TNPO3: variants seen among roughly 807,000 people sequenced by gnomAD.
TNPO3 encodes transportin-3.
Under a neutral mutation model 122.8 loss-of-function variants are expected in TNPO3, and 65 were observed. The observed-to-expected ratio is 0.53, with a 90% CI of 0.43 to 0.65. The LOEUF (loss-of-function observed/expected upper bound fraction) is 0.65, where lower values mean the gene tolerates loss of function less well. TNPO3 is among the 30% of genes least tolerant of loss of function. TNPO3 has a pLI of 0.00. For missense variants in TNPO3, 850 were observed against 1,136.7 expected, an observed-to-expected ratio of 0.75 and a Z score of 3.63; for synonymous variants, 372 against 411.2, an observed-to-expected ratio of 0.90 and a Z score of 1.15.
intron 13 of TNPO3, 81 bp downstream of exon 13, chr7:128,984,087 T>C: frequency 1.2e-6 from 1 of 829,998 alleles, no homozygotes; most frequent in South Asian, 2.7e-5. Context: ...ACAAAAGATC[T>C]GTAAATAAGT....
chr7:128,974,822 G>T, intron 18 of TNPO3, 46 bp downstream of exon 18: 1 of 1,468,672 alleles, frequency 6.8e-7, no homozygotes, highest in Non-Finnish European at 9.5e-7. Context: ...AGACTAAGCA[G>T]TGATAGGATG....
Position 129,000,316 on chromosome 7 carries a change from A to C in TNPO3, c.1011+113T>G. The stretch of plus-strand genomic sequence containing the variant: ...AAACAGATGAAATCACATTAATTAA[A>C]AACAAGACTGTAATTTCTCAACAAT... On this transcript the variant is annotated intron_variant, in intron 7 of 22. Transcript: ENST00000265388. 3.3e-6 allele frequency: 4 copies of C among 1,206,422 alleles called. No homozygotes were observed. The South Asian group carries it at 6.3e-5, about 19-fold the overall frequency. The allele number at this position is 1,206,422 out of a possible 1,614,324, so 74.7% of individuals were successfully genotyped here. A position where few individuals can be genotyped will look rare whatever the true frequency, so the allele number is the denominator to read the frequency against.
At chr7:129,027,577 A>AC (rs1805366441) in intron 1 of TNPO3, among the ~76,000 whole-genome samples, 1 of 138,618 alleles carries the variant, frequency 7.2e-6, no homozygotes, top group Non-Finnish European at 1.6e-5. Flanking sequence ...AAAAAAAAAA[A>AC]AAAAAAAAAA....
intron 1 of TNPO3, among the ~76,000 whole-genome samples, chr7:129,048,148 G>C (rs1808273870): frequency 6.6e-6 from 1 of 152,114 alleles, no homozygotes; most frequent in African/African-American, 2.4e-5. Context: ...CCTGAACCCA[G>C]GCTCAGGTGA....
At chr7:129,008,297 G>A (rs1013264090) in intron 4 of TNPO3, among the ~76,000 whole-genome samples, 2 of 151,926 alleles carry the variant, frequency 1.3e-5, no homozygotes, top group South Asian at 4.1e-4. Context: ...TGGGAGGATC[G>A]CTTGAGCCCA....
At position 129,055,069 on chromosome 7, in the gene TNPO3, C is replaced by G. The variant is rs1047961273; in HGVS notation, c.-299G>C. On this transcript the variant is annotated 5_prime_UTR_variant, in exon 1 of 23. Coordinates refer to ENST00000265388, the MANE Select transcript of TNPO3 (RefSeq NM_012470.4). ...TCAGTCGCTGACTTGCCCTCAGAAG[C>G]CTATCTTGGGAGGCCACACACCAGT... 5.2e-6 allele frequency: 2 copies of G among 385,568 alleles called. No individual in the cohort carries two copies. Among genetic ancestry groups the G allele is most frequent in the African/African-American group, 4.1e-5 (2 of 48,728 alleles). 23.9% of individuals were successfully genotyped at this position (385,568 alleles called of 1,614,324 possible). A position where few individuals can be genotyped will look rare whatever the true frequency, so the allele number is the denominator to read the frequency against.
At chr7:129,049,349 CTAGA>C (rs1238069522) in intron 1 of TNPO3, among the ~76,000 whole-genome samples, 2 of 152,126 alleles carry the variant, frequency 1.3e-5, no homozygotes, top group Non-Finnish European at 2.9e-5. Flanking sequence ...TGCAAAGCAC[CTAGA>C]TCTGACAAGA....
Position 129,054,731 on chromosome 7 carries a change from C to G in TNPO3, c.40G>C (p.Ala14Pro). 1 of 1,614,206 alleles carries G rather than the reference C, an allele frequency of 6.2e-7. No individual in the cohort carries two copies. Among genetic ancestry groups the G allele is most frequent in the Non-Finnish European group, 8.5e-7 (1 of 1,180,036 alleles). Residue 14 changes from alanine (A) to proline (P), a missense_variant, in exon 1 of 23, where the codon GCA (alanine) becomes CCA (proline). Ala to Pro is a conservative substitution (Grantham distance 27, BLOSUM62 -1). Coordinates refer to ENST00000265388, the MANE Select transcript of TNPO3 (RefSeq NM_012470.4). ...AKPTLQLVYQ[A>P]VQALYHDPDP... The stretch of plus-strand genomic sequence containing the variant: ...GGGTCGTGGTAAAGCGCCTGCACTG[C>G]CTGGTACACGAGCTGCAATGTCGGC...
intron 1 of TNPO3, chr7:129,029,553 T>C (rs750679442): frequency 6.6e-6 from 1 of 152,370 alleles, no homozygotes; most frequent in Admixed American, 6.5e-5. Flanking sequence ...AACTGCTTAA[T>C]ACTGGCAGTT....
At chr7:128,979,153 G>C in intron 15 of TNPO3, 30 bp from the exon 16 acceptor site, 1 of 1,611,164 alleles carries the variant, frequency 6.2e-7, no homozygotes, top group Non-Finnish European at 8.5e-7. Flanking sequence ...GCACAAGAAA[G>C]AAAATAATCA....
chr7:128,986,401 C>G (rs1333471529), intron 12 of TNPO3, among the ~76,000 whole-genome samples: 1 of 152,202 alleles, frequency 6.6e-6, no homozygotes, highest in Non-Finnish European at 1.5e-5. Context: ...TTTGGTATGG[C>G]AATGCTTCTT....
chr7:129,017,115 T>C, intron 2 of TNPO3, 59 bp from the exon 3 acceptor site: 1 of 1,452,404 alleles, frequency 6.9e-7, no homozygotes, highest in Non-Finnish European at 9.6e-7. Context: ...TCACAATAAA[T>C]ATTAATTGGG....
chr7:128,967,189 T>C (rs544412165), intron 21 of TNPO3, 91 bp downstream of exon 21: 3 of 865,258 alleles, frequency 3.5e-6, no homozygotes, highest in East Asian at 2.5e-5. Context: ...AAACAAACTA[T>C]AAATTGTCCA....
At chr7:128,977,592 CTTTTTTCTT>C (rs1465745793) in intron 16 of TNPO3, among the ~76,000 whole-genome samples, 3 of 86,458 alleles carry the variant, frequency 3.5e-5, no homozygotes, top group African/African-American at 9.7e-5. Flanking sequence ...TTCTTTTTTT[CTTTTTTCTT>C]TTTTTTTTTT....
chr7:128,996,235 G>C (rs1273289947), intron 8 of TNPO3, among the ~76,000 whole-genome samples: 1 of 152,160 alleles, frequency 6.6e-6, no homozygotes, highest in Non-Finnish European at 1.5e-5. Context: ...AAAATTTGAA[G>C]AGACTAAGCA....
chr7:129,002,584 A>G (rs1802055500), intron 5 of TNPO3, among the ~76,000 whole-genome samples: 1 of 152,240 alleles, frequency 6.6e-6, no homozygotes, highest in African/African-American at 2.4e-5. Flanking sequence ...TAGATTGAAT[A>G]GTAGGTTCAA....
intron 4 of TNPO3, among the ~76,000 whole-genome samples, chr7:129,008,778 T>C (rs1802866016): frequency 6.6e-6 from 1 of 152,198 alleles, no homozygotes; most frequent in African/African-American, 2.4e-5. Flanking sequence ...ATTGAATCTT[T>C]GATGCTGTTG....
In TNPO3 at chr7:128,993,852, T is replaced by C. The variant is rs1801014774; in HGVS notation, c.1221A>G (p.Val407=). Residue 407 remains valine, a synonymous_variant, in exon 9 of 23, where the codon GTA becomes GTG. Transcript: ENST00000265388. The stretch of plus-strand genomic sequence containing the variant: ...ACCCTATCAAGAAAATCAAGTCCTT[T>C]ACCAGGTCTGATACCCTCATGCGAA... ...GEFRMRVSDL[V]KDLIFLIGSM... is the part of the protein sequence containing the mutation. 1.9e-6 allele frequency: 3 copies of C among 1,613,996 alleles called. No homozygotes were observed. Among genetic ancestry groups the C allele is most frequent in the Admixed American group, 1.7e-5 (1 of 60,002 alleles).
intron 12 of TNPO3, among the ~76,000 whole-genome samples, chr7:128,985,730 CAAG>C: frequency 6.6e-6 from 1 of 152,236 alleles, no homozygotes; most frequent in East Asian, 1.9e-4. Context: ...TAGAAAATGA[CAAG>C]AATATTTGAC....
Sources: allele counts gnomAD v4.1 joint callset (sites outside exome capture counted in the v4.1 genomes callset), GRCh38; gene constraint gnomAD v4.1.1; transcripts MANE v1.5; gene names NCBI Gene and HGNC (gene_info 2026-07-23, HGNC 2026-07-21).